Variants in TUBA3E observed in about 807,000 individuals in gnomAD.
TUBA3E encodes the protein tubulin alpha 3e.
Under a neutral mutation model 36.7 loss-of-function variants are expected in TUBA3E, and 21 were observed. That is an observed-to-expected ratio of 0.57 (90% confidence interval 0.41 to 0.83). The LOEUF (loss-of-function observed/expected upper bound fraction) is 0.83, where lower values mean the gene tolerates loss of function less well. TUBA3E is among the 40% of genes least tolerant of loss of function. TUBA3E has a pLI of 0.00. For synonymous variants in TUBA3E, 177 were observed against 241.9 expected (o/e 0.73, Z 2.49); for missense variants, 469 against 604.2 (o/e 0.78, Z 2.35).
At chr2:130,195,049 C>T in intron 3 of TUBA3E, 30 bp downstream of exon 3, 1 of 1,611,144 alleles carries the variant, frequency 6.2e-7, no homozygotes. Flanking sequence ...CCATGCAAGA[C>T]AATGGCCACA....
intron 4 of TUBA3E, 62 bp from the exon 5 acceptor site, chr2:130,192,189 A>T: frequency 1.3e-6 from 2 of 1,545,178 alleles, no homozygotes; most frequent in Non-Finnish European, 1.7e-6. Flanking sequence ...AATGGTAGCT[A>T]CTTCTCCTCA....
At chr2:130,192,955 G>A (rs1283461423) in intron 4 of TUBA3E, among the ~76,000 whole-genome samples, 1 of 152,088 alleles carries the variant, frequency 6.6e-6, no homozygotes, top group East Asian at 1.9e-4. Context: ...TTAGCCAGGC[G>A]TGGTGGCAGG....
In TUBA3E at chr2:130,198,062, C is replaced by G. The variant is rs1293237213; in HGVS notation, c.3+296G>C. ...AGCACAAAGACGTGTGAAGCGGGAG[C>G]AGCGCCCTCCTGTCTTCAGGAGGCG... On this transcript the variant is annotated intron_variant, in intron 1 of 4. Transcript: ENST00000312988. Among the ~76,000 whole-genome samples, 2 of 123,418 alleles carry G rather than the reference C, an allele frequency of 1.6e-5. 1 individual carries two copies. Among genetic ancestry groups the G allele is most frequent in the Non-Finnish European group, 3.6e-5 (2 of 55,960 alleles). 81.0% of individuals were successfully genotyped at this position (123,418 alleles called of 152,430 possible). A position where few individuals can be genotyped will look rare whatever the true frequency, so the allele number is the denominator to read the frequency against.
chr2:130,193,873 C>G lies in TUBA3E; in HGVS notation c.969G>C (p.Val323=), dbSNP rs762046596. The G allele has an allele frequency of 5.0e-6, 8 of 1,614,210 alleles. No individual in the cohort carries two copies. In the East Asian group the frequency reaches 1.6e-4, roughly 31 times the overall value. The part of the protein sequence containing the change: ...MACCMLYRGD[V]VPKDVNAAIA... ...TGGCCGCATTGACGTCTTTGGGGAC[C>G]ACGTCCCCCCTGTACAACATGCAGC... The change falls in exon 4 of 5, where the codon GTG becomes GTC. Residue 323 remains valine (V), a synonymous_variant. Transcript: ENST00000312988.
intron 3 of TUBA3E, 105 bp downstream of exon 3, chr2:130,194,974 G>A (rs543385747): frequency 1.5e-5 from 23 of 1,551,654 alleles, no homozygotes; most frequent in African/African-American, 5.5e-5. Flanking sequence ...CACCGCGCCC[G>A]GCCAAGATGC....
At chr2:130,192,879 A>C (rs1170659021) in intron 4 of TUBA3E, among the ~76,000 whole-genome samples, 3 of 152,150 alleles carry the variant, frequency 2.0e-5, no homozygotes, top group African/African-American at 7.2e-5. Flanking sequence ...AGATCACGTG[A>C]GGCCAGGGGT....
rs1273777774 is a variant in TUBA3E, at chr2:130,192,001, A to C, written c.1183T>G (p.Phe395Val). The stretch of plus-strand genomic sequence containing the variant: ...GCCCACTTGGCATACATGAGATCGA[A>C]CTTATGGACCAGGCGGGCCCAGGCC... ...AEAWARLVHKFDLMYAKWAFV... is the reference protein window; with the variant it reads ...AEAWARLVHKVDLMYAKWAFV... The change falls in exon 5 of 5, where the codon TTC becomes GTC. Residue 395 changes from phenylalanine to valine, a missense_variant. Phe to Val is a conservative substitution (Grantham distance 50). This residue lies in a region of TUBA3E where 296 missense variants were observed against 346.9 expected (regional missense o/e 0.85). Transcript: ENST00000312988. The C allele has an allele frequency of 4.3e-6, 7 of 1,613,914 alleles. No homozygotes were observed.
intron 4 of TUBA3E, 84 bp downstream of exon 4, chr2:130,193,702 C>T: frequency 6.6e-7 from 1 of 1,525,776 alleles, no homozygotes; most frequent in East Asian, 2.3e-5. Context: ...GGGATAGTCT[C>T]CCCAAAGGAT....
intron 4 of TUBA3E, among the ~76,000 whole-genome samples, chr2:130,192,594 G>A (rs1690293484): frequency 6.6e-6 from 1 of 152,202 alleles, no homozygotes; most frequent in Non-Finnish European, 1.5e-5. Context: ...AGCAGATCAT[G>A]GGTCAAGAGT....
chr2:130,196,685 T>C (rs965264233), intron 1 of TUBA3E, among the ~76,000 whole-genome samples: 20 of 152,216 alleles, frequency 1.3e-4, no homozygotes, highest in Non-Finnish European at 2.5e-4. Context: ...TCACAGTAAT[T>C]CTCTGAAGAA....
chr2:130,195,042 T>A, intron 3 of TUBA3E, 37 bp downstream of exon 3: 3 of 1,609,516 alleles, frequency 1.9e-6, no homozygotes, highest in Non-Finnish European at 2.5e-6. Context: ...ACCCCTCCCA[T>A]GCAAGACAAT....
Position 130,194,764 on chromosome 2 carries a change from A to G in TUBA3E, c.376-298T>C, listed in dbSNP as rs2313997. 1.3e-5 allele frequency among the ~76,000 whole-genome samples: 2 copies of G among 152,208 alleles called. 1 individual carries two copies. Among genetic ancestry groups the G allele is most frequent in the South Asian group, 4.1e-4 (2 of 4,820 alleles). On this transcript the variant is annotated intron_variant, in intron 3 of 4. Transcript: ENST00000312988. ...GCAATCTCAGCTCACTGCAACCTCCACCTTCCGAGTTCAAGCAATTCTTCT... is the reference window on the plus strand; with the variant it reads ...GCAATCTCAGCTCACTGCAACCTCCGCCTTCCGAGTTCAAGCAATTCTTCT...
chr2:130,195,337 A>T lies in TUBA3E; in HGVS notation c.227-110T>A, dbSNP rs554995843. The T allele has an allele frequency of 1.8e-4, 260 of 1,455,212 alleles. 2 individuals are homozygous for T. Among genetic ancestry groups the T allele is most frequent in the Admixed American group, 2.4e-4 (11 of 45,576 alleles). The allele number at this position is 1,455,212 out of a possible 1,614,324, so 90.1% of individuals were successfully genotyped here. ...GAGCACATGCTGTTCAAAGTACATG[A>T]CCTACATGTCATAGGTCAACAGTGG... On this transcript the variant is annotated intron_variant, in intron 2 of 4. Coordinates refer to ENST00000312988, the MANE Select transcript of TUBA3E (RefSeq NM_207312.3).
intron 4 of TUBA3E, among the ~76,000 whole-genome samples, 186 bp downstream of exon 4, chr2:130,193,600 C>G (rs1211090805): frequency 1.6e-5 from 2 of 121,692 alleles, no homozygotes; most frequent in Non-Finnish European, 3.3e-5. Context: ...CAGAGCAAGA[C>G]TGTCTCAAAA....
At chr2:130,198,289 C>T in intron 1 of TUBA3E, 69 bp downstream of exon 1, 3 of 1,342,500 alleles carry the variant, frequency 2.2e-6, no homozygotes, top group South Asian at 2.7e-5. Flanking sequence ...GCAACAACGT[C>T]CCTCTGTCCA....
In TUBA3E at chr2:130,192,071, C is replaced by T. The variant is rs1448924760; in HGVS notation, c.1113G>A (p.Val371=). The change falls in exon 5 of 5, where the codon GTG becomes GTA. Residue 371 remains valine, a synonymous_variant. Coordinates refer to ENST00000312988, the MANE Select transcript of TUBA3E (RefSeq NM_207312.3). ...TGCTCAGCATGCACACGGCCCGCTGCACCTTGGCCAGGTCTCCCCCGGGGA... is the reference window on the plus strand; with the variant it reads ...TGCTCAGCATGCACACGGCCCGCTGTACCTTGGCCAGGTCTCCCCCGGGGA... ...TVVPGGDLAK[V]QRAVCMLSNT... is the part of the protein sequence containing the mutation. 6.2e-7 allele frequency: 1 copy of T among 1,611,684 alleles called. No individual in the cohort carries two copies. The highest frequency in any genetic ancestry group is 1.1e-5 in the South Asian group (1 of 90,626).
rs1392133730 is a variant in TUBA3E, at chr2:130,194,377, C to T, written c.465G>A (p.Glu155=). The change falls in exon 4 of 5, where the codon GAG becomes GAA. Residue 155 remains glutamate, a synonymous_variant. Transcript: ENST00000312988. ...TCTTGCTGTAATCCACTGAGAGCCG[C>T]TCCATGAGCAGAGATGCGAACCCAG... The part of the protein sequence containing the change: ...TGSGFASLLM[E]RLSVDYSKKS... 1 of 1,613,262 alleles carries T rather than the reference C, an allele frequency of 6.2e-7. No homozygotes were observed. The highest frequency in any genetic ancestry group is 1.1e-5 in the South Asian group (1 of 91,008).
At chr2:130,194,865 A>G (rs535081107) in intron 3 of TUBA3E, among the ~76,000 whole-genome samples, 77 of 152,262 alleles carry the variant, frequency 5.1e-4, no homozygotes, top group African/African-American at 1.7e-3. Context: ...TTTAGTAGAC[A>G]TAGAGTTTCA....
At chr2:130,196,507 G>A (rs1173186428) in intron 1 of TUBA3E, 136 bp from the exon 2 acceptor site, 1 of 1,209,278 alleles carries the variant, frequency 8.3e-7, no homozygotes, top group Non-Finnish European at 1.1e-6. Flanking sequence ...TTCCTAGGAG[G>A]GTTAGTGACT....
Sources: gnomAD v4.1 joint callset for allele counts (sites outside exome capture counted in the v4.1 genomes callset) on GRCh38, gnomAD v4.1.1 for gene constraint, gnomAD v4.1.1 regional missense constraint, MANE v1.5 for transcripts, NCBI Gene and HGNC (gene_info 2026-07-23, HGNC 2026-07-21) for gene names.